P4HA3: variants seen among roughly 807,000 people sequenced by gnomAD.
P4HA3 encodes prolyl 4-hydroxylase subunit alpha-3.
P4HA3 carries 60 observed loss-of-function variants against 66.7 expected under a neutral mutation model. That is an observed-to-expected ratio of 0.90 (90% CI 0.73 to 1.12). The LOEUF (loss-of-function observed/expected upper bound fraction) is 1.12. Ranked by LOEUF, P4HA3 falls within the 50% of genes most tolerant of loss-of-function variation. The pLI is 0.00. For missense variants in P4HA3, 683 were observed against 685.8 expected (o/e 1.00, Z 0.05); for synonymous variants, 263 against 274.6 (o/e 0.96, Z 0.42).
chr11:74,310,323 C>T (rs1262309896), intron 1 of P4HA3, among the ~76,000 whole-genome samples: 1 of 152,216 alleles, frequency 6.6e-6, no homozygotes, highest in Non-Finnish European at 1.5e-5. Context: ...ACCTTTTATG[C>T]CACAGTGTGT....
intron 1 of P4HA3, among the ~76,000 whole-genome samples, chr11:74,308,342 G>A (rs1350399612): frequency 6.6e-6 from 1 of 151,984 alleles, no homozygotes; most frequent in Non-Finnish European, 1.5e-5. Context: ...GCAAGACCCC[G>A]TCTCTACCAA....
intron 4 of P4HA3, 71 bp downstream of exon 4, chr11:74,298,141 G>T: frequency 6.5e-7 from 1 of 1,526,880 alleles, no homozygotes. Context: ...AAAATACTTA[G>T]AAATTGTAAA....
intron 15 of P4HA3, among the ~76,000 whole-genome samples, chr11:74,256,842 G>T (rs1223847728): frequency 6.6e-6 from 1 of 152,134 alleles, no homozygotes; most frequent in Admixed American, 6.5e-5. Context: ...CTTGAGACTG[G>T]GAGGACTGAA....
At chr11:74,252,395 C>G in intron 15 of P4HA3, 1 of 454,090 alleles carries the variant, frequency 2.2e-6, no homozygotes, top group Non-Finnish European at 4.4e-6. Flanking sequence ...CCGCGCCTGG[C>G]CTAGAGCAGG....
At chr11:74,305,001 T>A (rs1411889487) in intron 1 of P4HA3, among the ~76,000 whole-genome samples, 1 of 152,058 alleles carries the variant, frequency 6.6e-6, no homozygotes, top group Non-Finnish European at 1.5e-5. Flanking sequence ...ACAATAAGGT[T>A]CACGCTCCTA....
chr11:74,304,515 C>A (rs1465910607), intron 1 of P4HA3, 103 bp from the exon 2 acceptor site: 2 of 1,334,216 alleles, frequency 1.5e-6, no homozygotes, highest in East Asian at 2.3e-5. Flanking sequence ...CACTGACATG[C>A]TGAACCTCTT....
In P4HA3 at chr11:74,289,122, A is replaced by G. The variant is rs1247598750; in HGVS notation, c.726T>C (p.Asn242=). ...HLAFAYFRAG[N]VSCALSLSRE... ...GAGAGAGGCTGAGGGCACACGAAACATTTCCTGCCTGTTAAAAAAAAAAAA... is the reference window on the plus strand; with the variant it reads ...GAGAGAGGCTGAGGGCACACGAAACGTTTCCTGCCTGTTAAAAAAAAAAAA... Residue 242 remains asparagine, a synonymous_variant, in exon 5 of 13, where the codon AAT becomes AAC. Transcript: ENST00000331597. 1 of 1,582,776 alleles carries G rather than the reference A, an allele frequency of 6.3e-7. No homozygotes were observed. The highest frequency in any genetic ancestry group is 8.6e-7 in the Non-Finnish European group (1 of 1,166,186).
intron 7 of P4HA3, among the ~76,000 whole-genome samples, chr11:74,283,577 A>G (rs1207481121): frequency 6.6e-6 from 1 of 152,136 alleles, no homozygotes; most frequent in East Asian, 1.9e-4. Flanking sequence ...ACAGGATAAA[A>G]TCCAAACTCC....
At chr11:74,294,325 G>A (rs1861140769) in intron 4 of P4HA3, among the ~76,000 whole-genome samples, 1 of 152,048 alleles carries the variant, frequency 6.6e-6, no homozygotes, top group Admixed American at 6.5e-5. Context: ...TCTCTGCATT[G>A]GTTATTCTAG....
rs954909978 is a variant in P4HA3 at position 74,268,134 on chromosome 11, G to T, written c.1564+11C>A. On this transcript the variant is annotated intron_variant, in intron 12 of 12. Coordinates refer to ENST00000331597, the MANE Select transcript of P4HA3 (RefSeq NM_182904.5). ...GTACCCCCTTCTCATGCCCAGAAAG[G>T]CAAGACTTACCCCACTTATCTCCCA... 1.2e-6 allele frequency: 2 copies of T among 1,611,002 alleles called. No homozygotes were observed. Among genetic ancestry groups the T allele is most frequent in the Non-Finnish European group, 1.7e-6 (2 of 1,177,384 alleles).
chr11:74,296,934 CTTTTTTTTTTTTTTT>C (rs540922878), intron 4 of P4HA3, among the ~76,000 whole-genome samples: 1 of 123,904 alleles, frequency 8.1e-6, no homozygotes, highest in Non-Finnish European at 1.7e-5. Flanking sequence ...TTCTTTTTTT[CTTTTTTTTTTTTTTT>C]TGAGATGCAG....
chr11:74,252,103 CT>C (rs60650207), intron 15 of P4HA3, among the ~76,000 whole-genome samples: 15,265 of 116,930 alleles, frequency 0.13, 1,152 homozygotes, highest in African/African-American at 0.27. Flanking sequence ...TGGAGCAGGG[CT>C]TTTTTTTTTT....
intron 15 of P4HA3, among the ~76,000 whole-genome samples, chr11:74,259,594 A>G (rs1350825033): frequency 6.6e-6 from 1 of 152,166 alleles, no homozygotes; most frequent in East Asian, 1.9e-4. Flanking sequence ...CCATTAAGCA[A>G]TAACTCCTGC....
intron 7 of P4HA3, among the ~76,000 whole-genome samples, chr11:74,281,863 T>A (rs1860611679): frequency 1.0e-5 from 1 of 96,560 alleles, no homozygotes; most frequent in Non-Finnish European, 1.9e-5. Context: ...ACCCTAAAAC[T>A]TAAAGTATAA....
At chr11:74,276,910 A>C in intron 9 of P4HA3, 75 bp downstream of exon 9, 6 of 1,413,860 alleles carry the variant, frequency 4.2e-6, no homozygotes, top group Non-Finnish European at 3.8e-6. Flanking sequence ...AGAGCCTACA[A>C]GAGCTCTGCC....
At chr11:74,279,332 C>T in intron 8 of P4HA3, 56 bp downstream of exon 8, 1 of 1,535,124 alleles carries the variant, frequency 6.5e-7, no homozygotes, top group Non-Finnish European at 9.0e-7. Context: ...TGGCAGTCAG[C>T]TATGCTACGG....
At chr11:74,253,630 T>C (rs1389376202) in intron 15 of P4HA3, 18 of 1,147,374 alleles carry the variant, frequency 1.6e-5, no homozygotes, top group Non-Finnish European at 1.4e-5. Flanking sequence ...TGGCTCCCGG[T>C]AGACGGGCAC....
In P4HA3 at chr11:74,266,864, A is replaced by C. The variant is rs1318394752; in HGVS notation, c.*384T>G. Reference sequence around the variant, plus strand: ...TGGGAGTCAGGCTAGCCCCTCCTGCAGGTGTCCTCATTGCCACTTCTTGGT... The same window carrying C: ...TGGGAGTCAGGCTAGCCCCTCCTGCCGGTGTCCTCATTGCCACTTCTTGGT... On this transcript the variant is annotated 3_prime_UTR_variant, in exon 13 of 13. Coordinates refer to ENST00000331597, the MANE Select transcript of P4HA3 (RefSeq NM_182904.5). 7.1e-6 allele frequency: 5 copies of C among 704,794 alleles called. No individual in the cohort carries two copies. The highest frequency in any genetic ancestry group is 1.1e-5 in the Non-Finnish European group (5 of 437,486). The allele number at this position is 704,794 out of a possible 1,614,324, so 43.7% of individuals were successfully genotyped here.
chr11:74,294,572 T>C (rs1368132180), intron 4 of P4HA3, among the ~76,000 whole-genome samples: 1 of 152,200 alleles, frequency 6.6e-6, no homozygotes, highest in Non-Finnish European at 1.5e-5. Flanking sequence ...CCCATCTTTG[T>C]GGTTTTATCT....
Sources: gnomAD v4.1 joint callset for allele counts (sites outside exome capture counted in the v4.1 genomes callset) on GRCh38, gnomAD v4.1.1 for gene constraint, MANE v1.5 for transcripts, NCBI Gene and HGNC (gene_info 2026-07-23, HGNC 2026-07-21) for gene names.